The following ZFHX3 variants were observed in gnomAD, a reference collection of about 807,000 sequenced individuals.
The protein encoded by ZFHX3 is zinc finger homeobox 3.
In ZFHX3, 42 loss-of-function variants were observed where a neutral mutation model predicts 279.1. The ratio of observed to expected loss-of-function variants is 0.15; its 90% confidence interval spans 0.12 to 0.19. ZFHX3 has a LOEUF of 0.19. ZFHX3 is among the 10% of genes least tolerant of loss of function. The pLI is 1.00. For synonymous variants in ZFHX3, 2,293 were observed against 1,957.8 expected, an observed-to-expected ratio of 1.17 and a Z score of -4.52; for missense variants, 4,981 against 4,754.0, an observed-to-expected ratio of 1.05 and a Z score of -1.40.
chr16:73,213,184 C>G (rs1311268605), intron 5 of ZFHX3, among the ~76,000 whole-genome samples: 1 of 152,196 alleles, frequency 6.6e-6, no homozygotes, highest in African/African-American at 2.4e-5. Flanking sequence ...CCTGAGGGAT[C>G]AGAGCCCCTG....
At chr16:73,606,194 A>C in intron 2 of ZFHX3, among the ~76,000 whole-genome samples, 1 of 145,298 alleles carries the variant, frequency 6.9e-6, no homozygotes. Context: ...AAAAAAAAAA[A>C]AAAAAAAAAA....
chr16:73,481,468 T>G (rs994973314), intron 2 of ZFHX3, among the ~76,000 whole-genome samples: 1 of 152,278 alleles, frequency 6.6e-6, no homozygotes, highest in African/African-American at 2.4e-5. Context: ...AGGGTCTCAC[T>G]CTATTGCTCA....
rs541790587 is a variant in ZFHX3, at chr16:73,734,960, C to A, written c.-1607-54720G>T. 1.1e-4 allele frequency among the ~76,000 whole-genome samples: 17 copies of A among 152,206 alleles called. No homozygotes were observed. In the South Asian group the frequency reaches 3.5e-3, roughly 32 times the overall value. ...TATTTTCCAGGAGGAATGATATTTT[C>A]AAAAATAATTTTTAGTAGAACCATT... On this transcript the variant is annotated intron_variant, in intron 1 of 17. Transcript: ENST00000641206.
intron 1 of ZFHX3, among the ~76,000 whole-genome samples, chr16:73,805,530 G>T (rs959836166): frequency 6.6e-6 from 1 of 152,184 alleles, no homozygotes; most frequent in East Asian, 1.9e-4. Context: ...AGAAGGTAAG[G>T]ACTGTGAAGT....
rs1052112251 is a variant in ZFHX3, at chr16:73,823,298, A to C, written c.-1608+68353T>G. On this transcript the variant is annotated intron_variant, in intron 1 of 17. Transcript: ENST00000641206. The stretch of plus-strand genomic sequence containing the variant: ...CAGGCAGAGGAACTAAAAGATGGCC[A>C]GAGAGGCCACAGTGGAGGGAAAAAA... 4.6e-5 allele frequency among the ~76,000 whole-genome samples: 7 copies of C among 152,184 alleles called. No individual in the cohort carries two copies. The East Asian group carries it at 1.3e-3, about 29-fold the overall frequency.
chr16:73,714,570 TG>T (rs1276227796), intron 1 of ZFHX3, among the ~76,000 whole-genome samples: 1 of 152,192 alleles, frequency 6.6e-6, no homozygotes, highest in Non-Finnish European at 1.5e-5. Flanking sequence ...TCTTCCTGCC[TG>T]GGTATTCAAA....
intron 2 of ZFHX3, among the ~76,000 whole-genome samples, chr16:73,464,206 GAA>G (rs1403769170): frequency 1.3e-5 from 2 of 152,136 alleles, no homozygotes; most frequent in Non-Finnish European, 2.9e-5. Context: ...AAGAAAGAGA[GAA>G]AGAGAGAGAG....
chr16:73,122,602 C>A (rs1037289505), intron 7 of ZFHX3, among the ~76,000 whole-genome samples: 19 of 152,124 alleles, frequency 1.2e-4, no homozygotes, highest in Non-Finnish European at 2.5e-4. Flanking sequence ...GGTGCAGTGA[C>A]CAACTTGGGG....
chr16:73,773,656 A>G (rs560530844), intron 1 of ZFHX3, among the ~76,000 whole-genome samples: 9 of 152,350 alleles, frequency 5.9e-5, no homozygotes, highest in Non-Finnish European at 8.8e-5. Flanking sequence ...TATGTGAGCA[A>G]GCATTTGGGC....
intron 3 of ZFHX3, among the ~76,000 whole-genome samples, chr16:73,380,570 T>C (rs1301001775): frequency 1.3e-5 from 2 of 152,152 alleles, no homozygotes; most frequent in Non-Finnish European, 2.9e-5. Context: ...TTAGTAAAGA[T>C]AGTAAAGATG....
intron 2 of ZFHX3, among the ~76,000 whole-genome samples, chr16:73,519,921 C>G (rs1230398306): frequency 1.3e-5 from 2 of 152,118 alleles, no homozygotes; most frequent in African/African-American, 4.8e-5. Flanking sequence ...AGTATGTTTA[C>G]TAGCAGTGTA....
Position 73,088,988 on chromosome 16 carries a change from G to C in ZFHX3, c.-533+4247C>G, listed in dbSNP as rs187303841. On this transcript the variant is annotated intron_variant, in intron 8 of 17. Coordinates refer to the ZFHX3 transcript ENST00000641206. ...TCGTTGAAGGCCTTAGGATTGGATG[G>C]GGCCTCTGCATTTGAACTTAACATA... Among the ~76,000 whole-genome samples the C allele has an allele frequency of 2.7e-3, 414 of 152,246 alleles. 2 individuals carry two copies. Among genetic ancestry groups the C allele is most frequent in the African/African-American group, 9.7e-3 (402 of 41,518 alleles).
At chr16:73,460,950 T>A (rs1473169482) in intron 2 of ZFHX3, among the ~76,000 whole-genome samples, 1 of 152,194 alleles carries the variant, frequency 6.6e-6, no homozygotes, top group Non-Finnish European at 1.5e-5. Context: ...ATGCTTCCTG[T>A]ACAGGCTGCA....
chr16:73,647,899 A>C (rs987981733), intron 2 of ZFHX3, among the ~76,000 whole-genome samples: 3 of 152,232 alleles, frequency 2.0e-5, no homozygotes, highest in African/African-American at 7.2e-5. Context: ...GTTTATAGAA[A>C]ATAAATACAA....
At chr16:73,147,463 C>T (rs1052663905) in intron 5 of ZFHX3, among the ~76,000 whole-genome samples, 6 of 151,488 alleles carry the variant, frequency 4.0e-5, no homozygotes, top group African/African-American at 9.7e-5. Context: ...GAGGCCGAGG[C>T]GGGCGGATCA....
chr16:72,788,964 C>A, intron 9 of ZFHX3, 116 bp from the exon 10 acceptor site: 1 of 1,417,394 alleles, frequency 7.1e-7, no homozygotes, highest in Non-Finnish European at 9.4e-7. Flanking sequence ...CTTGAAGGAT[C>A]CTCTCAAAAC....
intron 3 of ZFHX3, among the ~76,000 whole-genome samples, chr16:73,418,758 T>C (rs1467614252): frequency 6.6e-6 from 1 of 152,188 alleles, no homozygotes; most frequent in African/African-American, 2.4e-5. Context: ...AGAATGAAAA[T>C]ACTGGCATTG....
At chr16:73,303,210 T>C (rs780780141) in intron 4 of ZFHX3, among the ~76,000 whole-genome samples, 1 of 152,048 alleles carries the variant, frequency 6.6e-6, no homozygotes, top group Non-Finnish European at 1.5e-5. Context: ...TAAATTTTAT[T>C]AGGGATGGGG....
intron 1 of ZFHX3, among the ~76,000 whole-genome samples, chr16:73,040,615 G>A (rs369916529): frequency 2.0e-5 from 3 of 152,274 alleles, no homozygotes; most frequent in East Asian, 1.9e-4. Flanking sequence ...TTCTGAACAC[G>A]GTTGCAAAGA....
Sources: allele counts gnomAD v4.1 joint callset (sites outside exome capture counted in the v4.1 genomes callset), GRCh38; gene constraint gnomAD v4.1.1; transcripts MANE v1.5; gene names NCBI Gene and HGNC (gene_info 2026-07-23, HGNC 2026-07-21).